The following PARD3B variants were observed in gnomAD, a reference collection of about 807,000 sequenced individuals.
PARD3B encodes the protein partitioning defective 3 homolog B.
PARD3B carries 103 observed loss-of-function variants against 130.2 expected under a neutral mutation model. That is an observed-to-expected ratio of 0.79 (90% confidence interval 0.67 to 0.93). The LOEUF (loss-of-function observed/expected upper bound fraction) is 0.93, where lower values mean the gene tolerates loss of function less well. Among genes scored for constraint, PARD3B ranks in the 40% least tolerant of loss-of-function variants. The pLI, the probability that PARD3B is intolerant of heterozygous loss-of-function variation, is 0.00. For synonymous variants in PARD3B, 583 were observed against 553.2 expected, an observed-to-expected ratio of 1.05 and a Z score of -0.76; for missense variants, 1,609 against 1,499.2, an observed-to-expected ratio of 1.07 and a Z score of -1.21.
chr2:205,083,421 C>A (rs1161508548), intron 4 of PARD3B, among the ~76,000 whole-genome samples: 1 of 150,586 alleles, frequency 6.6e-6, no homozygotes, highest in East Asian at 2.0e-4. Flanking sequence ...AAAGGATGAA[C>A]AATAGGCTGA....
At chr2:204,709,641 G>A (rs146372258) in intron 2 of PARD3B, among the ~76,000 whole-genome samples, 1 of 152,228 alleles carries the variant, frequency 6.6e-6, no homozygotes, top group Non-Finnish European at 1.5e-5. Context: ...AGTGTCATAC[G>A]TTTGATGTGT....
intron 20 of PARD3B, among the ~76,000 whole-genome samples, chr2:205,448,486 T>A (rs377160546): frequency 1.5e-4 from 23 of 152,374 alleles, no homozygotes; most frequent in African/African-American, 5.5e-4. Flanking sequence ...AATAACTTTT[T>A]AAAATGTGGG....
At chr2:205,495,341 G>A (rs372108695) in intron 20 of PARD3B, among the ~76,000 whole-genome samples, 42 of 152,262 alleles carry the variant, frequency 2.8e-4, no homozygotes, top group African/African-American at 9.9e-4. Flanking sequence ...CACATCGAAA[G>A]TGTAAGACTG....
intron 2 of PARD3B, among the ~76,000 whole-genome samples, chr2:204,940,508 A>G (rs752360946): frequency 2.0e-5 from 3 of 151,194 alleles, no homozygotes. Flanking sequence ...GTTTATCTAG[A>G]AGTTCTGTGT....
intron 1 of PARD3B, among the ~76,000 whole-genome samples, chr2:204,588,156 T>C (rs2032916564): frequency 6.6e-6 from 1 of 152,202 alleles, no homozygotes; most frequent in Admixed American, 6.5e-5. Context: ...ACACAAACCA[T>C]TTGTTTCTGA....
chr2:205,494,628 A>G (rs2049857671), intron 20 of PARD3B, among the ~76,000 whole-genome samples: 1 of 152,116 alleles, frequency 6.6e-6, no homozygotes, highest in Admixed American at 6.6e-5. Context: ...TTTTATTGCA[A>G]AGATCTGTGC....
chr2:204,837,001 A>T (rs1007545897), intron 2 of PARD3B, among the ~76,000 whole-genome samples: 2 of 152,220 alleles, frequency 1.3e-5, no homozygotes, highest in African/African-American at 4.8e-5. Context: ...CTCTACAGAA[A>T]CAGTATCCCT....
chr2:205,416,832 A>G (rs965915194), intron 19 of PARD3B, among the ~76,000 whole-genome samples: 2 of 152,146 alleles, frequency 1.3e-5, no homozygotes, highest in Admixed American at 6.6e-5. Flanking sequence ...AAGGAGCTCA[A>G]AACTGCACTT....
At chr2:204,554,166 C>T (rs917091006) in intron 1 of PARD3B, among the ~76,000 whole-genome samples, 69 of 152,226 alleles carry the variant, frequency 4.5e-4, no homozygotes, top group Middle Eastern at 3.4e-3. Flanking sequence ...TCCTCCTCTA[C>T]GTCTTAGCAC....
intron 1 of PARD3B, among the ~76,000 whole-genome samples, chr2:204,609,804 A>G (rs116027187): frequency 0.013 from 1,906 of 152,224 alleles, 32 homozygotes; most frequent in African/African-American, 0.043. Flanking sequence ...TGCAGGAAAG[A>G]CCTAGAAAGG....
rs571269988 is a variant in PARD3B, at chr2:205,160,392, C to G, written c.1620+1485C>G. Among the ~76,000 whole-genome samples the G allele has an allele frequency of 6.6e-6, 1 of 152,272 alleles. No homozygotes were observed. The highest frequency in any genetic ancestry group is 2.1e-4 in the South Asian group (1 of 4,822). On this transcript the variant is annotated intron_variant, in intron 11 of 22. Transcript: ENST00000406610. The surrounding 1 kb of genome is among the most constrained non-coding windows in gnomAD (Gnocchi z 4.0). ...TCAGCAGGCTAGCTGGCGCATGTCC[C>G]TCTCATGCCTCGAGCTGTCAGAGGG... is the stretch of plus-strand genomic sequence containing the variant.
At chr2:204,596,989 A>G (rs1453262146) in intron 1 of PARD3B, among the ~76,000 whole-genome samples, 1 of 151,134 alleles carries the variant, frequency 6.6e-6, no homozygotes, top group Non-Finnish European at 1.5e-5. Flanking sequence ...ATAATTTTTC[A>G]TGTAAGATAA....
chr2:205,432,235 T>C (rs2106131628), intron 19 of PARD3B, among the ~76,000 whole-genome samples: 1 of 152,328 alleles, frequency 6.6e-6, no homozygotes, highest in East Asian at 1.9e-4. Flanking sequence ...ACCTGGCTTA[T>C]TGTAATAACC....
chr2:205,202,706 T>C (rs2037060147), intron 15 of PARD3B, among the ~76,000 whole-genome samples: 1 of 152,164 alleles, frequency 6.6e-6, no homozygotes, highest in African/African-American at 2.4e-5. Context: ...GGATCATCCC[T>C]CTTACATAAA....
At chr2:204,666,164 C>T (rs2125194274) in intron 1 of PARD3B, among the ~76,000 whole-genome samples, 1 of 152,196 alleles carries the variant, frequency 6.6e-6, no homozygotes, top group Non-Finnish European at 1.5e-5. Flanking sequence ...AGACATTGCC[C>T]CTGCTCTTGA....
intron 21 of PARD3B, among the ~76,000 whole-genome samples, chr2:205,521,976 A>T (rs189975776): frequency 6.2e-3 from 936 of 152,158 alleles, no homozygotes; most frequent in Non-Finnish European, 9.7e-3. Flanking sequence ...TTTCTGATAG[A>T]TACAGATATT....
rs1282997242 is a variant in PARD3B at position 205,405,265 on chromosome 2, C to T, written c.2741+4142C>T. ...GGAGATATTTTTGATTGTCATAACT[C>T]GGGAAGAGGGGTGAGCAGTTACTGC... On this transcript the variant is annotated intron_variant, in intron 19 of 22. Transcript: ENST00000406610. This position sits in a 1 kb window ranked among gnomAD's most constrained non-coding sequence, Gnocchi z 4.1. Among the ~76,000 whole-genome samples the T allele has an allele frequency of 3.3e-5, 5 of 152,140 alleles. No homozygotes were observed. The East Asian group carries it at 5.8e-4, about 18-fold the overall frequency.
At chr2:204,723,282 A>G (rs1001359597) in intron 2 of PARD3B, among the ~76,000 whole-genome samples, 1 of 152,162 alleles carries the variant, frequency 6.6e-6, no homozygotes, top group African/African-American at 2.4e-5. Context: ...AATGAAATTG[A>G]TACATTTATG....
rs575661599 is a variant in PARD3B at position 205,248,647 on chromosome 2, G to C, written c.2185+2825G>C. 8.3e-3 allele frequency among the ~76,000 whole-genome samples: 944 copies of C among 113,392 alleles called. 5 individuals carry two copies. Among genetic ancestry groups the C allele is most frequent in the Admixed American group, 0.022 (169 of 7,840 alleles). The allele number at this position is 113,392 out of a possible 152,430, so 74.4% of individuals were successfully genotyped here. ...TTTTTGAGACGGAGTGGCTCTGTCC[G>C]CCAGGCTGGAGTGCAGTGGCGCGAT... is the stretch of plus-strand genomic sequence containing the variant. On this transcript the variant is annotated intron_variant, in intron 16 of 22. Coordinates refer to ENST00000406610, the MANE Select transcript of PARD3B (RefSeq NM_001302769.2).
Sources: gnomAD v4.1 joint callset for allele counts (sites outside exome capture counted in the v4.1 genomes callset) on GRCh38, gnomAD v4.1.1 for gene constraint, Gnocchi (gnomAD v3.1) non-coding constraint, MANE v1.5 for transcripts, NCBI Gene and HGNC (gene_info 2026-07-23, HGNC 2026-07-21) for gene names.